Variants in LRP1B observed in about 807,000 individuals in gnomAD.
The protein encoded by LRP1B is LDL receptor related protein 1B.
In LRP1B, 217 loss-of-function variants were observed where a neutral mutation model predicts 556.6. That is an observed-to-expected ratio of 0.39 (90% CI 0.35 to 0.44). The LOEUF (loss-of-function observed/expected upper bound fraction) is 0.44. Ranked by LOEUF, LRP1B falls within the 20% of genes least tolerant of loss-of-function variation. The probability of loss-of-function intolerance (pLI) is 1.00; values close to 1 mark genes in which losing one functional copy is unlikely to be tolerated. For synonymous variants in LRP1B, 2,047 were observed against 1,865.8 expected, an observed-to-expected ratio of 1.10 and a Z score of -2.50; for missense variants, 5,053 against 5,620.8, an observed-to-expected ratio of 0.90 and a Z score of 3.23.
intron 53 of LRP1B, among the ~76,000 whole-genome samples, chr2:140,506,379 G>A (rs1689412897): frequency 6.6e-6 from 1 of 151,886 alleles, no homozygotes; most frequent in South Asian, 2.1e-4. Flanking sequence ...CGAGTAGCTG[G>A]GATTACAGGC....
intron 3 of LRP1B, among the ~76,000 whole-genome samples, chr2:141,448,594 G>A (rs115578972): frequency 4.6e-5 from 7 of 152,088 alleles, no homozygotes; most frequent in African/African-American, 7.2e-5. Flanking sequence ...TATCTGGGCC[G>A]GATTGCACCA....
intron 3 of LRP1B, among the ~76,000 whole-genome samples, chr2:141,334,964 T>C (rs1218806270): frequency 6.6e-6 from 1 of 152,242 alleles, no homozygotes; most frequent in Non-Finnish European, 1.5e-5. Context: ...AGAGATTCAA[T>C]AGCTTTCTAT....
intron 85 of LRP1B, among the ~76,000 whole-genome samples, chr2:140,271,551 C>T (rs772871443): frequency 6.6e-6 from 1 of 151,878 alleles, no homozygotes; most frequent in Non-Finnish European, 1.5e-5. Context: ...ACTGGAAATG[C>T]CCTCAACTGC....
intron 27 of LRP1B, among the ~76,000 whole-genome samples, chr2:140,855,977 T>C (rs1370369196): frequency 6.6e-6 from 1 of 152,202 alleles, no homozygotes; most frequent in Non-Finnish European, 1.5e-5. Context: ...GTGTTTCCTT[T>C]CTTTTTACCT....
At chr2:140,343,314 A>G (rs1054726373) in intron 77 of LRP1B, among the ~76,000 whole-genome samples, 1 of 151,574 alleles carries the variant, frequency 6.6e-6, no homozygotes, top group Non-Finnish European at 1.5e-5. Context: ...TTTTAAAAGT[A>G]GCCTTTATGA....
intron 7 of LRP1B, among the ~76,000 whole-genome samples, chr2:141,110,790 C>T (rs1700731641): frequency 6.6e-6 from 1 of 152,028 alleles, no homozygotes; most frequent in Non-Finnish European, 1.5e-5. Context: ...AGAACATTCC[C>T]AGAATTTTCT....
At chr2:140,421,775 A>C (rs951325870) in intron 66 of LRP1B, among the ~76,000 whole-genome samples, 1 of 152,220 alleles carries the variant, frequency 6.6e-6, no homozygotes, top group African/African-American at 2.4e-5. Flanking sequence ...GCAAATGAAG[A>C]AACAGTGAAG....
intron 3 of LRP1B, among the ~76,000 whole-genome samples, chr2:141,368,892 C>G (rs555532093): frequency 1.3e-5 from 2 of 152,044 alleles, no homozygotes; most frequent in East Asian, 1.9e-4. Flanking sequence ...TTTTTTTTCT[C>G]TAAAGCTTAC....
chr2:141,912,143 GCA>G (rs1189177510), intron 1 of LRP1B, among the ~76,000 whole-genome samples: 1 of 152,070 alleles, frequency 6.6e-6, no homozygotes, highest in African/African-American at 2.4e-5. Flanking sequence ...AGAGTTTTAT[GCA>G]CATCTTTTTG....
At chr2:141,532,898 A>C (rs569889236) in intron 2 of LRP1B, among the ~76,000 whole-genome samples, 1 of 152,290 alleles carries the variant, frequency 6.6e-6, no homozygotes, top group East Asian at 1.9e-4. Flanking sequence ...AGGCAGGAGA[A>C]TCGCTTGAAC....
At chr2:141,054,458 T>G (rs1239063347) in intron 10 of LRP1B, among the ~76,000 whole-genome samples, 1 of 151,994 alleles carries the variant, frequency 6.6e-6, no homozygotes, top group African/African-American at 2.4e-5. Context: ...TGCAAAATAT[T>G]AAGTTATGAA....
At chr2:140,816,780 T>G (rs759969884) in intron 31 of LRP1B, among the ~76,000 whole-genome samples, 6 of 152,112 alleles carry the variant, frequency 3.9e-5, no homozygotes, top group African/African-American at 7.2e-5. Flanking sequence ...TGACATATGC[T>G]TTATATTCAT....
At chr2:140,762,208 G>A (rs983660436) in intron 35 of LRP1B, among the ~76,000 whole-genome samples, 5 of 152,130 alleles carry the variant, frequency 3.3e-5, no homozygotes, top group Non-Finnish European at 7.4e-5. Flanking sequence ...TGTGGATTAT[G>A]TCACATTGCT....
At chr2:140,985,166 A>G (rs979315522) in intron 17 of LRP1B, among the ~76,000 whole-genome samples, 4 of 152,040 alleles carry the variant, frequency 2.6e-5, no homozygotes, top group Admixed American at 6.6e-5. Flanking sequence ...GCCATGTAAC[A>G]GTGAGAATTC....
At chr2:140,270,043 G>A (rs907438134) in intron 86 of LRP1B, among the ~76,000 whole-genome samples, 199 bp downstream of exon 86, 10 of 151,908 alleles carry the variant, frequency 6.6e-5, no homozygotes, top group African/African-American at 1.7e-4. Flanking sequence ...AACAGAATGA[G>A]CTCTTCCTCA....
chr2:141,555,023 T>C (rs1485648206), intron 2 of LRP1B, among the ~76,000 whole-genome samples: 1 of 151,944 alleles, frequency 6.6e-6, no homozygotes, highest in Admixed American at 6.6e-5. Flanking sequence ...TGTCCCAGAA[T>C]GAAGACATAA....
intron 11 of LRP1B, among the ~76,000 whole-genome samples, chr2:141,043,673 T>C (rs1698774982): frequency 6.6e-6 from 1 of 152,008 alleles, no homozygotes; most frequent in African/African-American, 2.4e-5. Context: ...TATCTGCATT[T>C]GAGTAGAATG....
intron 43 of LRP1B, among the ~76,000 whole-genome samples, chr2:140,583,782 C>T (rs1003178544): frequency 1.3e-4 from 20 of 151,202 alleles, no homozygotes; most frequent in African/African-American, 4.6e-4. Context: ...TTTTTATATT[C>T]TCAAAATTCC....
chr2:142,096,416 A>G (rs1282402256), intron 1 of LRP1B, among the ~76,000 whole-genome samples: 1 of 150,806 alleles, frequency 6.6e-6, no homozygotes, highest in African/African-American at 2.4e-5. Flanking sequence ...TTCATTATTC[A>G]CATGACCACG....
Sources: gnomAD v4.1 joint callset for allele counts (sites outside exome capture counted in the v4.1 genomes callset) on GRCh38, gnomAD v4.1.1 for gene constraint, MANE v1.5 for transcripts, NCBI Gene and HGNC (gene_info 2026-07-23, HGNC 2026-07-21) for gene names.